Variants in SLC7A14 observed in about 807,000 individuals in gnomAD.
SLC7A14 encodes the protein solute carrier family 7 member 14, also known as gamma-aminobutyric acid transporter SLC7A14.
Under a neutral mutation model 60.2 loss-of-function variants are expected in SLC7A14, and 37 were observed. The ratio of observed to expected loss-of-function variants is 0.61; its 90% CI spans 0.47 to 0.81. The LOEUF is 0.81. SLC7A14 is among the 30% of genes least tolerant of loss of function. SLC7A14 has a pLI of 0.00. For synonymous variants in SLC7A14, 399 were observed against 395.8 expected, an observed-to-expected ratio of 1.01 and a Z score of -0.10; for missense variants, 886 against 982.7, an observed-to-expected ratio of 0.90 and a Z score of 1.32.
intron 1 of SLC7A14, among the ~76,000 whole-genome samples, chr3:170,545,966 T>C (rs1403002986): frequency 6.6e-6 from 1 of 152,180 alleles, no homozygotes; most frequent in African/African-American, 2.4e-5. Flanking sequence ...TTTAATGACT[T>C]AGGACTTATC....
chr3:170,488,879 G>A (rs572870806), intron 4 of SLC7A14, among the ~76,000 whole-genome samples: 1 of 150,628 alleles, frequency 6.6e-6, no homozygotes, highest in African/African-American at 2.4e-5. Context: ...GGAAATAAGC[G>A]GGGTTATAAA....
intron 1 of SLC7A14, among the ~76,000 whole-genome samples, chr3:170,529,631 A>G (rs1339314885): frequency 6.6e-6 from 1 of 152,106 alleles, no homozygotes; most frequent in African/African-American, 2.4e-5. Flanking sequence ...TCAGAGAGGG[A>G]TACAGACTGT....
intron 5 of SLC7A14, among the ~76,000 whole-genome samples, chr3:170,485,540 T>C (rs929728632): frequency 6.6e-6 from 1 of 152,152 alleles, no homozygotes; most frequent in Admixed American, 6.5e-5. Flanking sequence ...GCAGCTGGGC[T>C]ATTTCTGTGA....
At chr3:170,564,024 G>T (rs949482528) in intron 1 of SLC7A14, among the ~76,000 whole-genome samples, 2 of 152,126 alleles carry the variant, frequency 1.3e-5, no homozygotes, top group African/African-American at 4.8e-5. Context: ...CTATGTGTGG[G>T]TGTGTAACAT....
intron 1 of SLC7A14, among the ~76,000 whole-genome samples, chr3:170,540,246 GA>G (rs1713978825): frequency 6.6e-6 from 1 of 152,116 alleles, no homozygotes; most frequent in African/African-American, 2.4e-5. Context: ...ATGCGTAACT[GA>G]AACCATGGAA....
intron 6 of SLC7A14, among the ~76,000 whole-genome samples, chr3:170,481,489 C>T (rs1163356311): frequency 2.0e-5 from 3 of 151,520 alleles, no homozygotes; most frequent in South Asian, 4.2e-4. Flanking sequence ...GCAACCTCCA[C>T]CTCCTGGGTT....
intron 2 of SLC7A14, among the ~76,000 whole-genome samples, chr3:170,512,038 C>T (rs1328332971): frequency 6.6e-6 from 1 of 152,144 alleles, no homozygotes; most frequent in Non-Finnish European, 1.5e-5. Context: ...AAGTGACAAC[C>T]AACAATTCTC....
chr3:170,504,322 T>A (rs866101520), intron 2 of SLC7A14, among the ~76,000 whole-genome samples: 2 of 151,922 alleles, frequency 1.3e-5, no homozygotes, highest in Non-Finnish European at 2.9e-5. Context: ...ATTTTTTTAA[T>A]TTTTTTTAAA....
chr3:170,494,077 T>C (rs1335921611), intron 4 of SLC7A14, among the ~76,000 whole-genome samples: 2 of 152,216 alleles, frequency 1.3e-5, no homozygotes, highest in African/African-American at 4.8e-5. Flanking sequence ...AACCAGTTCA[T>C]GGTCCCAAAC....
At position 170,486,221 on chromosome 3, in the gene SLC7A14, C is replaced by T; in HGVS notation, c.906+1G>A. The T allele has an allele frequency of 6.2e-7, 1 of 1,614,094 alleles. No individual in the cohort carries two copies. The highest frequency in any genetic ancestry group is 8.5e-7 in the Non-Finnish European group (1 of 1,180,000). Reference sequence around the variant, plus strand: ...GGGTCCCGCAAGCATCTGGTACTTACAGACACATATGCTGTCAGGCAGATG... The same window carrying T: ...GGGTCCCGCAAGCATCTGGTACTTATAGACACATATGCTGTCAGGCAGATG... On this transcript the variant is annotated splice_donor_variant, in intron 5 of 7. Transcript: ENST00000231706. LOFTEE classifies it high-confidence loss of function.
chr3:170,498,769 C>T lies in SLC7A14; in HGVS notation c.657G>A (p.Val219=). The T allele has an allele frequency of 1.2e-6, 2 of 1,614,150 alleles. No individual in the cohort carries two copies. Among genetic ancestry groups the T allele is most frequent in the East Asian group, 2.2e-5 (1 of 44,876 alleles). ...NSIGFNNVLN[V]LNLAVWVFIM... is the part of the protein sequence containing the mutation. ...TGAACACCCATACTGCCAGGTTCAG[C>T]ACATTGAGAACATTGTTGAAGCCTA... The change falls in exon 4 of 8, where the codon GTG becomes GTA. Residue 219 remains valine, a synonymous_variant. Transcript: ENST00000231706.
Position 170,498,669 on chromosome 3 carries a change from C to T in SLC7A14, c.757G>A (p.Gly253Arg). The change falls in exon 4 of 8, where the codon GGG (glycine) becomes AGG (arginine). Residue 253 changes from glycine to arginine, a missense_variant and splice_region_variant. By Grantham distance (125) the Gly-to-Arg change is moderately radical. Coordinates refer to ENST00000231706, the MANE Select transcript of SLC7A14 (RefSeq NM_020949.3). ...EGQFLPHGWS[G>R]VLQGAATCFY... ...CCAGGTGTTTGGAACAAACTTACCC[C>T]TGACCAGCCGTGGGGCAAGAACTGG... is the stretch of plus-strand genomic sequence containing the variant. 6.2e-7 allele frequency: 1 copy of T among 1,614,072 alleles called. No homozygotes were observed.
intron 1 of SLC7A14, among the ~76,000 whole-genome samples, chr3:170,582,024 C>A (rs961401115): frequency 6.6e-6 from 1 of 152,002 alleles, no homozygotes; most frequent in Admixed American, 6.6e-5. Context: ...TTCATGAAAC[C>A]AGCAAACCTC....
chr3:170,492,648 T>C (rs150918711), intron 4 of SLC7A14, among the ~76,000 whole-genome samples: 159 of 152,334 alleles, frequency 1.0e-3, no homozygotes, highest in Middle Eastern at 3.4e-3. Flanking sequence ...CGTGCCTCAG[T>C]TGCTGGAGGG....
intron 4 of SLC7A14, among the ~76,000 whole-genome samples, chr3:170,489,370 A>T (rs1445973277): frequency 1.3e-5 from 2 of 152,230 alleles, no homozygotes; most frequent in Non-Finnish European, 2.9e-5. Context: ...GATAAATGAA[A>T]ATCACAACTA....
chr3:170,527,741 A>C (rs1343463450), intron 1 of SLC7A14, among the ~76,000 whole-genome samples: 1 of 152,072 alleles, frequency 6.6e-6, no homozygotes, highest in Admixed American at 6.6e-5. Flanking sequence ...TCTGGGGGGA[A>C]CCTGAGATGT....
intron 1 of SLC7A14, among the ~76,000 whole-genome samples, chr3:170,551,635 A>G (rs1714354531): frequency 6.6e-6 from 1 of 152,110 alleles, no homozygotes; most frequent in Non-Finnish European, 1.5e-5. Context: ...TTTTACTTTT[A>G]TTTCCCTAAT....
chr3:170,555,091 C>T (rs1714451679), intron 1 of SLC7A14, among the ~76,000 whole-genome samples: 1 of 151,816 alleles, frequency 6.6e-6, no homozygotes, highest in Non-Finnish European at 1.5e-5. Flanking sequence ...TTGCTTGGAC[C>T]TGGGAAGCGG....
intron 1 of SLC7A14, among the ~76,000 whole-genome samples, chr3:170,549,943 A>G (rs1714295062): frequency 1.3e-5 from 2 of 152,224 alleles, no homozygotes; most frequent in Admixed American, 6.5e-5. Context: ...GTCTAGGGAA[A>G]TGCCAAAAGC....
Sources: gnomAD v4.1 joint callset for allele counts (sites outside exome capture counted in the v4.1 genomes callset) on GRCh38, gnomAD v4.1.1 for gene constraint, MANE v1.5 for transcripts, NCBI Gene and HGNC (gene_info 2026-07-23, HGNC 2026-07-21) for gene names.